The following EML5 variants were observed in gnomAD, a reference collection of about 807,000 sequenced individuals.
EML5 encodes EMAP like 5.
A neutral mutation model predicts 250.0 loss-of-function variants in EML5; 120 were observed. The observed-to-expected ratio is 0.48, with a 90% confidence interval of 0.41 to 0.56. The LOEUF (loss-of-function observed/expected upper bound fraction) is 0.56, where lower values mean the gene tolerates loss of function less well. Among genes scored for constraint, EML5 ranks in the 20% least tolerant of loss-of-function variants. The pLI, the probability that EML5 is intolerant of heterozygous loss-of-function variation, is 0.00. For synonymous variants in EML5, 771 were observed against 806.5 expected (o/e 0.96, Z 0.75); for missense variants, 2,006 against 2,437.6 (o/e 0.82, Z 3.73).
intron 8 of EML5, among the ~76,000 whole-genome samples, chr14:88,726,060 C>T (rs577441923): frequency 9.2e-5 from 14 of 152,134 alleles, no homozygotes; most frequent in African/African-American, 3.4e-4. Flanking sequence ...TAATTCAACA[C>T]AAAATGTTAA....
rs748726565 is a variant in EML5, at chr14:88,624,992, C to G, written c.4876G>C (p.Val1626Leu). The G allele has an allele frequency of 6.2e-7, 1 of 1,613,512 alleles. No individual in the cohort carries two copies. The highest frequency in any genetic ancestry group is 1.3e-5 in the African/African-American group (1 of 74,902). ...CACGGCCTTTCCTTTCCCCCAGTCA[C>G]GATAAGTCCATCTCGCAGGGTGGTG... ...MYTTLRDGLI[V>L]TGGKERPSKE... Residue 1626 changes from valine to leucine, a missense_variant, in exon 36 of 44, where the codon GTG (valine) becomes CTG (leucine). Val to Leu is a conservative substitution (Grantham distance 32, BLOSUM62 1). Around this residue, in one of 7 missense-constraint regions of EML5, gnomAD observed 405 missense variants for 523.3 expected, o/e 0.77. Coordinates refer to ENST00000554922, the MANE Select transcript of EML5 (RefSeq NM_183387.3).
intron 1 of EML5, among the ~76,000 whole-genome samples, chr14:88,787,483 G>A (rs1420671133): frequency 6.6e-6 from 1 of 152,068 alleles, no homozygotes; most frequent in African/African-American, 2.4e-5. Flanking sequence ...TTGCACATAA[G>A]ACATTATAAA....
intron 21 of EML5, among the ~76,000 whole-genome samples, chr14:88,675,750 C>T (rs1220771407): frequency 2.6e-5 from 4 of 152,156 alleles, no homozygotes; most frequent in Non-Finnish European, 5.9e-5. Flanking sequence ...AACTTTTATG[C>T]TCTGGTTCCC....
chr14:88,695,038 A>G (rs1304664313), intron 16 of EML5, among the ~76,000 whole-genome samples: 5 of 152,104 alleles, frequency 3.3e-5, no homozygotes, highest in African/African-American at 1.2e-4. Flanking sequence ...AATATATAAT[A>G]TAAGCATTTG....
chr14:88,618,198 T>C, intron 41 of EML5, 30 bp downstream of exon 41: 1 of 1,593,178 alleles, frequency 6.3e-7, no homozygotes, highest in Non-Finnish European at 8.6e-7. Context: ...TCAAAGTCAG[T>C]TCTTGCCTTG....
chr14:88,721,958 T>C (rs1467678074), intron 8 of EML5, among the ~76,000 whole-genome samples: 1 of 152,160 alleles, frequency 6.6e-6, no homozygotes, highest in African/African-American at 2.4e-5. Context: ...GCAAAGGACA[T>C]GAGCGGACAC....
At chr14:88,723,243 G>C (rs901456476) in intron 8 of EML5, among the ~76,000 whole-genome samples, 2 of 152,054 alleles carry the variant, frequency 1.3e-5, no homozygotes, top group Non-Finnish European at 2.9e-5. Context: ...TGAGGCCCAG[G>C]CTCTACAAAA....
chr14:88,724,595 T>C (rs7144251), intron 8 of EML5, among the ~76,000 whole-genome samples: 101,171 of 152,064 alleles, frequency 0.67, 35,874 homozygotes, highest in East Asian at 0.94. Context: ...CTTTTGAATG[T>C]GTATCAGATA....
intron 1 of EML5, among the ~76,000 whole-genome samples, chr14:88,787,749 C>G (rs2140868717): frequency 6.6e-6 from 1 of 152,250 alleles, no homozygotes; most frequent in African/African-American, 2.4e-5. Flanking sequence ...TTAAGTCCAT[C>G]TAATTCTAGT....
chr14:88,691,841 C>T (rs1157754617), intron 17 of EML5, among the ~76,000 whole-genome samples: 6 of 152,148 alleles, frequency 3.9e-5, no homozygotes, highest in Non-Finnish European at 5.9e-5. Context: ...CTCACCAAAG[C>T]CTTAACATTC....
chr14:88,696,785 TA>T, intron 15 of EML5, 61 bp downstream of exon 15: 1 of 1,186,944 alleles, frequency 8.4e-7, no homozygotes, highest in Non-Finnish European at 1.2e-6. Flanking sequence ...TGACTTAGAT[TA>T]AAATGCTATG....
intron 23 of EML5, among the ~76,000 whole-genome samples, chr14:88,663,504 AAG>A (rs1466166165): frequency 6.6e-6 from 1 of 152,178 alleles, no homozygotes; most frequent in African/African-American, 2.4e-5. Flanking sequence ...CATCCTTAAA[AAG>A]AGAGGATTTA....
intron 32 of EML5, among the ~76,000 whole-genome samples, chr14:88,635,466 C>G (rs1220564752): frequency 6.6e-6 from 1 of 152,144 alleles, no homozygotes; most frequent in African/African-American, 2.4e-5. Flanking sequence ...AGGTTTGTCT[C>G]TGAATATTAA....
chr14:88,714,080 G>A (rs921399953), intron 9 of EML5, among the ~76,000 whole-genome samples: 14 of 147,814 alleles, frequency 9.5e-5, no homozygotes, highest in African/African-American at 2.2e-4. Context: ...TCAAGCTGTC[G>A]GTCCACTGTG....
At chr14:88,625,232 AAG>A (rs2089739929) in intron 35 of EML5, 105 bp from the exon 36 acceptor site, 8 of 1,316,628 alleles carry the variant, frequency 6.1e-6, no homozygotes, top group Middle Eastern at 2.7e-4. Context: ...CCTTGATACA[AAG>A]AGCATGCATC....
At chr14:88,727,358 T>C (rs1317625073) in intron 7 of EML5, among the ~76,000 whole-genome samples, 2 of 151,990 alleles carry the variant, frequency 1.3e-5, no homozygotes, top group African/African-American at 4.8e-5. Context: ...ATACCATCTC[T>C]TTCCCAACTT....
At chr14:88,709,832 G>A (rs2093375384) in intron 10 of EML5, among the ~76,000 whole-genome samples, 1 of 152,100 alleles carries the variant, frequency 6.6e-6, no homozygotes. Flanking sequence ...TTTTGCAGCA[G>A]TGAAAAAAAG....
At chr14:88,684,811 AAAAC>A (rs926947402) in intron 20 of EML5, among the ~76,000 whole-genome samples, 200 bp downstream of exon 20, 2 of 152,114 alleles carry the variant, frequency 1.3e-5, no homozygotes, top group African/African-American at 2.4e-5. Flanking sequence ...TTAACAGAAA[AAAAC>A]AAATTTTTTC....
chr14:88,715,400 A>C (rs2093475480), intron 8 of EML5, among the ~76,000 whole-genome samples: 1 of 152,216 alleles, frequency 6.6e-6, no homozygotes, highest in South Asian at 2.1e-4. Flanking sequence ...GATGTACAGG[A>C]AAATGCTGAA....
Sources: allele counts gnomAD v4.1 joint callset (sites outside exome capture counted in the v4.1 genomes callset), GRCh38; gene constraint gnomAD v4.1.1; regional missense constraint gnomAD v4.1.1; transcripts MANE v1.5; gene names NCBI Gene and HGNC (gene_info 2026-07-23, HGNC 2026-07-21).